Variants in PSEN1 observed in about 807,000 individuals in gnomAD.
PSEN1 encodes the protein presenilin-1.
A neutral mutation model predicts 53.5 loss-of-function variants in PSEN1; 15 were observed. That is an observed-to-expected ratio of 0.28 (90% CI 0.19 to 0.43). The LOEUF is 0.43. Among genes scored for constraint, PSEN1 ranks in the 20% least tolerant of loss-of-function variants. PSEN1 has a pLI of 1.00. For synonymous variants in PSEN1, 208 were observed against 209.8 expected, an observed-to-expected ratio of 0.99 and a Z score of 0.08; for missense variants, 387 against 571.2, an observed-to-expected ratio of 0.68 and a Z score of 3.29.
In PSEN1 at chr14:73,170,910, GGAA is replaced by G. The variant is rs1897870503; in HGVS notation, c.207_209del (p.Glu69del). The G allele has an allele frequency of 4.3e-6, 7 of 1,614,098 alleles. No individual in the cohort carries two copies. The highest frequency in any genetic ancestry group is 1.3e-5 in the African/African-American group (1 of 74,916). On this transcript the variant is annotated inframe_deletion, in exon 4 of 12. Transcript: ENST00000324501. The stretch of plus-strand genomic sequence containing the variant: ...CCCGGCAGGTGGTGGAGCAAGATGA[GGAA>G]GAAGATGAGGAGCTGACATTGAAAT...
intron 10 of PSEN1, among the ~76,000 whole-genome samples, chr14:73,214,728 C>A (rs191233062): frequency 3.9e-5 from 6 of 152,004 alleles, no homozygotes; most frequent in Non-Finnish European, 8.8e-5. Flanking sequence ...TGTATGATTC[C>A]ACTTACATCA....
intron 6 of PSEN1, among the ~76,000 whole-genome samples, chr14:73,188,362 A>T (rs1898592108): frequency 6.6e-6 from 1 of 152,226 alleles, no homozygotes; most frequent in Non-Finnish European, 1.5e-5. Flanking sequence ...ATTCCTTAAT[A>T]AATAGACGGG....
intron 1 of PSEN1, among the ~76,000 whole-genome samples, chr14:73,145,216 C>T: frequency 6.6e-6 from 1 of 151,956 alleles, no homozygotes; most frequent in East Asian, 1.9e-4. Flanking sequence ...TTTTTGCTTG[C>T]ATTACCCTTT....
intron 10 of PSEN1, among the ~76,000 whole-genome samples, chr14:73,215,038 T>G: frequency 6.6e-6 from 1 of 152,114 alleles, no homozygotes. Flanking sequence ...CTCAGCTCAC[T>G]GCAACTCTGC....
At chr14:73,168,381 G>A (rs913927420) in intron 3 of PSEN1, 2 of 151,756 alleles carry the variant, frequency 1.3e-5, no homozygotes, top group Non-Finnish European at 2.9e-5. Flanking sequence ...AAACAAAAAA[G>A]ATTTCAGCAG....
chr14:73,174,092 TTA>T (rs774071224), intron 5 of PSEN1: 2 of 269,092 alleles, frequency 7.4e-6, no homozygotes, highest in African/African-American at 2.2e-5. Context: ...TTATCAAGAT[TTA>T]GTGATAATTT....
intron 8 of PSEN1, among the ~76,000 whole-genome samples, chr14:73,202,113 C>T (rs1899213439): frequency 6.6e-6 from 1 of 151,738 alleles, no homozygotes; most frequent in African/African-American, 2.4e-5. Flanking sequence ...GGCGCAATCT[C>T]AGCTCACTGC....
At chr14:73,215,617 T>C (rs954570932) in intron 10 of PSEN1, among the ~76,000 whole-genome samples, 1 of 152,104 alleles carries the variant, frequency 6.6e-6, no homozygotes, top group South Asian at 2.1e-4. Flanking sequence ...TTAAAGGACT[T>C]GTATTTAGGA....
At chr14:73,164,955 A>T (rs1402548527) in intron 3 of PSEN1, among the ~76,000 whole-genome samples, 1 of 152,028 alleles carries the variant, frequency 6.6e-6, no homozygotes, top group Admixed American at 6.6e-5. Context: ...ACAAAATTGT[A>T]CTTTTTTTTG....
chr14:73,151,400 T>G (rs1056731542), intron 3 of PSEN1, among the ~76,000 whole-genome samples: 1 of 152,126 alleles, frequency 6.6e-6, no homozygotes, highest in Admixed American at 6.6e-5. Context: ...TTTTAGAGAT[T>G]GCTAGGATTC....
At chr14:73,150,899 C>T (rs1390622965) in intron 3 of PSEN1, among the ~76,000 whole-genome samples, 1 of 151,786 alleles carries the variant, frequency 6.6e-6, no homozygotes, top group Non-Finnish European at 1.5e-5. Context: ...AACCCCGTCT[C>T]TACTAAAAAA....
chr14:73,192,219 C>T (rs1215202857), intron 6 of PSEN1, among the ~76,000 whole-genome samples: 1 of 152,078 alleles, frequency 6.6e-6, no homozygotes, highest in Non-Finnish European at 1.5e-5. Context: ...GGGTGGATTG[C>T]TTGAACCCAG....
At chr14:73,170,286 T>G (rs1259788763) in intron 3 of PSEN1, among the ~76,000 whole-genome samples, 1 of 152,132 alleles carries the variant, frequency 6.6e-6, no homozygotes. Context: ...TAACTAAGAG[T>G]ACCTAACCTC....
At chr14:73,192,433 C>G (rs928554775) in intron 6 of PSEN1, among the ~76,000 whole-genome samples, 11 of 151,648 alleles carry the variant, frequency 7.3e-5, no homozygotes, top group Non-Finnish European at 1.6e-4. Flanking sequence ...AAAATGAGAC[C>G]CTGGCTCAAA....
At chr14:73,143,014 CTGT>C (rs1896969469) in intron 1 of PSEN1, among the ~76,000 whole-genome samples, 1 of 152,164 alleles carries the variant, frequency 6.6e-6, no homozygotes. Context: ...ATCTGGGTAA[CTGT>C]TGTTGTTTTT....
intron 3 of PSEN1, among the ~76,000 whole-genome samples, chr14:73,162,795 T>C (rs1897592013): frequency 1.3e-5 from 2 of 152,282 alleles, no homozygotes; most frequent in East Asian, 1.9e-4. Flanking sequence ...AGTAAGAGTA[T>C]GTGTTTGTAT....
Position 73,147,893 on chromosome 14 carries a change from T to G in PSEN1, c.-54+17T>G. 1.3e-6 allele frequency: 1 copy of G among 765,172 alleles called. No individual in the cohort carries two copies. The highest frequency in any genetic ancestry group is 2.3e-6 in the Non-Finnish European group (1 of 441,480). The allele number at this position is 765,172 out of a possible 1,614,324, so 47.4% of individuals were successfully genotyped here. On this transcript the variant is annotated intron_variant, in intron 2 of 11. Coordinates refer to ENST00000324501, the MANE Select transcript of PSEN1 (RefSeq NM_000021.4). ...GAAAGAAAGGTTTGTTTCTGCTTAA[T>G]GTAATCTATGAAAGTGTTTTTTATA...
At chr14:73,184,500 G>A (rs1477630471) in intron 5 of PSEN1, among the ~76,000 whole-genome samples, 1 of 121,696 alleles carries the variant, frequency 8.2e-6, no homozygotes, top group East Asian at 3.0e-4. Flanking sequence ...CGGACGGGGC[G>A]GCTGGCCGGG....
rs1322652148 is a variant in PSEN1, at chr14:73,221,348, G to A, written c.*2059G>A. 6.6e-6 allele frequency: 1 copy of A among 152,186 alleles called. No homozygotes were observed. Among genetic ancestry groups the A allele is most frequent in the African/African-American group, 2.4e-5 (1 of 41,432 alleles). 9.4% of individuals were successfully genotyped at this position (152,186 alleles called of 1,614,324 possible). ...GCCACCTGAATAGCAATTTGTGATT[G>A]GAAGCATTCTTGAGGGATCCCTAAT... On this transcript the variant is annotated 3_prime_UTR_variant, in exon 12 of 12. Transcript: ENST00000324501.
Sources: gnomAD v4.1 joint callset for allele counts (sites outside exome capture counted in the v4.1 genomes callset) on GRCh38, gnomAD v4.1.1 for gene constraint, MANE v1.5 for transcripts, NCBI Gene and HGNC (gene_info 2026-07-23, HGNC 2026-07-21) for gene names.